Variants in MTMR3 observed in about 807,000 individuals in gnomAD.
MTMR3 encodes myotubularin related protein 3, also known as phosphatidylinositol-3,5-bisphosphate 3-phosphatase MTMR3.
Under a neutral mutation model 132.4 loss-of-function variants are expected in MTMR3, and 32 were observed. The observed-to-expected ratio is 0.24, with a 90% confidence interval of 0.18 to 0.32. MTMR3 has a LOEUF of 0.32. Ranked by LOEUF, MTMR3 falls within the 10% of genes least tolerant of loss-of-function variation. The pLI is 1.00. For missense variants in MTMR3, 1,216 were observed against 1,489.6 expected, an observed-to-expected ratio of 0.82 and a Z score of 3.02; for synonymous variants, 556 against 550.3, an observed-to-expected ratio of 1.01 and a Z score of -0.14.
chr22:29,974,004 G>A (rs2066585492), intron 3 of MTMR3, among the ~76,000 whole-genome samples: 1 of 152,170 alleles, frequency 6.6e-6, no homozygotes, highest in East Asian at 1.9e-4. Context: ...AACTAGCCTG[G>A]AACTGTGGTG....
intron 10 of MTMR3, 60 bp from the exon 11 acceptor site, chr22:30,007,841 T>TCTG: frequency 6.3e-7 from 1 of 1,588,026 alleles, no homozygotes. Context: ...TGGGTCTAAT[T>TCTG]CTGCACAGTT....
At chr22:29,945,125 G>A (rs1026971074) in intron 1 of MTMR3, among the ~76,000 whole-genome samples, 1 of 152,114 alleles carries the variant, frequency 6.6e-6, no homozygotes, top group African/African-American at 2.4e-5. Flanking sequence ...TGATTCTCTA[G>A]CCTCAGCCTT....
In MTMR3 at chr22:29,947,515, C is replaced by A. The variant is rs201598364; in HGVS notation, c.-137-9521C>A. On this transcript the variant is annotated intron_variant, in intron 1 of 19. Transcript: ENST00000401950. ...AGTATGCTAAATTAAAAAAAAAAAACAAAAAACCCTGCCTCCCAGTTTTCT... is the reference window on the plus strand; with the variant it reads ...AGTATGCTAAATTAAAAAAAAAAAAAAAAAAACCCTGCCTCCCAGTTTTCT... 9.1e-4 allele frequency among the ~76,000 whole-genome samples: 128 copies of A among 139,892 alleles called. 2 individuals are homozygous for A. In the South Asian group the frequency reaches 0.023, roughly 26 times the overall value. The allele number at this position is 139,892 out of a possible 152,430, so 91.8% of individuals were successfully genotyped here. A position where few individuals can be genotyped will look rare whatever the true frequency, so the allele number is the denominator to read the frequency against.
intron 1 of MTMR3, among the ~76,000 whole-genome samples, chr22:29,906,744 A>C (rs1470830740): frequency 6.6e-6 from 1 of 151,510 alleles, no homozygotes; most frequent in African/African-American, 2.4e-5. Flanking sequence ...CCCTATATCT[A>C]CTCCCCCTTT....
At chr22:29,999,433 C>T (rs2067124168) in intron 8 of MTMR3, 1 of 152,126 alleles carries the variant, frequency 6.6e-6, no homozygotes, top group Non-Finnish European at 1.5e-5. Flanking sequence ...AATTATTTGT[C>T]TCATATACAC....
At chr22:29,905,672 G>C (rs184750204) in intron 1 of MTMR3, among the ~76,000 whole-genome samples, 27 of 152,168 alleles carry the variant, frequency 1.8e-4, no homozygotes, top group African/African-American at 6.0e-4. Flanking sequence ...TTACTTGTTG[G>C]GGAATATCTT....
At chr22:29,937,094 A>G (rs535367261) in intron 1 of MTMR3, among the ~76,000 whole-genome samples, 3 of 152,038 alleles carry the variant, frequency 2.0e-5, no homozygotes, top group East Asian at 3.9e-4. Context: ...AGCTTTTGTT[A>G]TTATATATTA....
chr22:29,941,547 G>A (rs1321802777), intron 1 of MTMR3, among the ~76,000 whole-genome samples: 6 of 151,712 alleles, frequency 4.0e-5, no homozygotes, highest in Non-Finnish European at 7.4e-5. Flanking sequence ...CCAGTTACTC[G>A]ATGTCCTCAC....
intron 2 of MTMR3, among the ~76,000 whole-genome samples, chr22:29,959,601 A>G (rs1452405196): frequency 9.2e-5 from 14 of 151,502 alleles, no homozygotes; most frequent in Admixed American, 5.9e-4. Flanking sequence ...CTGGTCTCGA[A>G]CTCCTGATTT....
At chr22:29,908,295 A>G (rs529715479) in intron 1 of MTMR3, among the ~76,000 whole-genome samples, 67 of 152,382 alleles carry the variant, frequency 4.4e-4, no homozygotes, top group African/African-American at 1.6e-3. Context: ...ATAGTTTAGT[A>G]GTAAGCACAA....
chr22:29,911,394 T>A (rs1296301864), intron 1 of MTMR3, among the ~76,000 whole-genome samples: 1 of 151,904 alleles, frequency 6.6e-6, no homozygotes, highest in Admixed American at 6.6e-5. Flanking sequence ...AATAAAAAAA[T>A]TAGCCAGGTG....
intron 2 of MTMR3, among the ~76,000 whole-genome samples, chr22:29,970,228 G>A (rs1047466357): frequency 6.6e-6 from 1 of 152,166 alleles, no homozygotes; most frequent in Non-Finnish European, 1.5e-5. Context: ...TATTTTGCTC[G>A]TAAGTCAGTT....
At chr22:29,906,258 G>A (rs370330290) in intron 1 of MTMR3, among the ~76,000 whole-genome samples, 2 of 76,002 alleles carry the variant, frequency 2.6e-5, no homozygotes, top group Admixed American at 1.3e-4. Flanking sequence ...CTGTCTGTCT[G>A]TCTGTCTGTC....
rs866491897 is a variant in MTMR3 at position 29,970,975 on chromosome 22, G to T, written c.-84-1G>T. On this transcript the variant is annotated splice_acceptor_variant, in intron 2 of 19. Coordinates refer to ENST00000401950, the MANE Select transcript of MTMR3 (RefSeq NM_021090.4). LOFTEE classifies it low-confidence loss of function (5UTR_SPLICE). ...TTCCCCCTCTTCCCCCCCACCCCCA[G>T]ACTTCACCATAAGGGAAAGAAGAGA... 2.0e-5 allele frequency: 7 copies of T among 344,378 alleles called. No homozygotes were observed. Among genetic ancestry groups the T allele is most frequent in the South Asian group, 3.8e-5 (1 of 26,056 alleles). The allele number at this position is 344,378 out of a possible 1,614,324, so 21.3% of individuals were successfully genotyped here. A position where few individuals can be genotyped will look rare whatever the true frequency, so the allele number is the denominator to read the frequency against.
chr22:29,893,208 T>G (rs1262241422), intron 1 of MTMR3, among the ~76,000 whole-genome samples: 2 of 152,220 alleles, frequency 1.3e-5, no homozygotes, highest in Non-Finnish European at 2.9e-5. Context: ...TTCCTTCATC[T>G]TATGTGCACA....
chr22:29,932,200 C>T (rs1232055948), intron 1 of MTMR3, among the ~76,000 whole-genome samples: 1 of 151,912 alleles, frequency 6.6e-6, no homozygotes, highest in African/African-American at 2.4e-5. Flanking sequence ...GTATAGTAAC[C>T]CTAAATTAAA....
At chr22:29,943,441 C>T (rs369674557) in intron 1 of MTMR3, among the ~76,000 whole-genome samples, 44 of 152,262 alleles carry the variant, frequency 2.9e-4, no homozygotes, top group African/African-American at 1.0e-3. Context: ...CCGCCCGTCT[C>T]GGCCTCCCAA....
chr22:30,007,040 A>C (rs527918849), intron 9 of MTMR3, 74 bp from the exon 10 acceptor site: 2 of 1,509,064 alleles, frequency 1.3e-6, no homozygotes, highest in East Asian at 4.6e-5. Flanking sequence ...TCATTAAGGC[A>C]CTTAAAATCT....
At chr22:29,938,716 A>C (rs1184627626) in intron 1 of MTMR3, among the ~76,000 whole-genome samples, 1 of 152,178 alleles carries the variant, frequency 6.6e-6, no homozygotes, top group Non-Finnish European at 1.5e-5. Context: ...GGTATATGCA[A>C]ATTCTTTTCT....
Sources: gnomAD v4.1 joint callset for allele counts (sites outside exome capture counted in the v4.1 genomes callset) on GRCh38, gnomAD v4.1.1 for gene constraint, MANE v1.5 for transcripts, NCBI Gene and HGNC (gene_info 2026-07-23, HGNC 2026-07-21) for gene names.